ESCO1: variants seen among roughly 807,000 people sequenced by gnomAD.
The protein encoded by ESCO1 is establishment of sister chromatid cohesion N-acetyltransferase 1.
A neutral mutation model predicts 83.5 loss-of-function variants in ESCO1; 33 were observed. That is an observed-to-expected ratio of 0.40 (90% confidence interval 0.30 to 0.53). ESCO1 has a LOEUF of 0.53. ESCO1 is among the 20% of genes least tolerant of loss of function. ESCO1 has a pLI of 0.63. For synonymous variants in ESCO1, 332 were observed against 324.3 expected, an observed-to-expected ratio of 1.02 and a Z score of -0.25; for missense variants, 855 against 968.0, an observed-to-expected ratio of 0.88 and a Z score of 1.55.
In ESCO1 at chr18:21,542,619, C is replaced by T. The variant is rs141755455; in HGVS notation, c.1954-2610G>A. Among the ~76,000 whole-genome samples, 498 of 152,272 alleles carry T rather than the reference C, an allele frequency of 3.3e-3. 3 individuals carry two copies. Among genetic ancestry groups the T allele is most frequent in the African/African-American group, 0.011 (475 of 41,558 alleles). ...TTCCATTCTCCCTTCTTACTAGTATCAAACTAAGATCAATGCACTAATCTA... is the reference window on the plus strand; with the variant it reads ...TTCCATTCTCCCTTCTTACTAGTATTAAACTAAGATCAATGCACTAATCTA... On this transcript the variant is annotated intron_variant, in intron 8 of 11. Transcript: ENST00000269214.
chr18:21,551,043 T>C (rs1370610319), intron 8 of ESCO1, among the ~76,000 whole-genome samples: 2 of 139,206 alleles, frequency 1.4e-5, no homozygotes, highest in Admixed American at 7.6e-5. Context: ...ACCCGGGAGG[T>C]AGAGCTTGCA....
At chr18:21,593,036 G>C (rs1236422718) in intron 1 of ESCO1, 1 of 158,126 alleles carries the variant, frequency 6.3e-6, no homozygotes, top group Non-Finnish European at 1.4e-5. Flanking sequence ...ATGGGATGGC[G>C]GCCGGGAAGA....
intron 1 of ESCO1, among the ~76,000 whole-genome samples, chr18:21,593,997 A>G (rs2038724165): frequency 6.6e-6 from 1 of 152,144 alleles, no homozygotes. Flanking sequence ...AGTCTTTGTT[A>G]TGGGTGGGCT....
At chr18:21,590,453 C>T (rs2146231861) in intron 1 of ESCO1, among the ~76,000 whole-genome samples, 1 of 151,476 alleles carries the variant, frequency 6.6e-6, no homozygotes, top group East Asian at 2.0e-4. Flanking sequence ...AACTCCTGAC[C>T]TCGTGATCCG....
chr18:21,578,571 G>C (rs1465220024), intron 2 of ESCO1, among the ~76,000 whole-genome samples: 1 of 152,074 alleles, frequency 6.6e-6, no homozygotes, highest in Non-Finnish European at 1.5e-5. Flanking sequence ...AAAGGGCCAA[G>C]ACTGCCAGGT....
intron 8 of ESCO1, among the ~76,000 whole-genome samples, chr18:21,550,281 T>C (rs1409242994): frequency 6.6e-6 from 1 of 152,226 alleles, no homozygotes; most frequent in Non-Finnish European, 1.5e-5. Context: ...ATCAACTTTT[T>C]AGATATTCAG....
chr18:21,564,266 T>C lies in ESCO1; in HGVS notation c.1758A>G (p.Ile586Met), dbSNP rs1471343002. The C allele has an allele frequency of 1.2e-6, 2 of 1,612,472 alleles. No individual in the cohort carries two copies. Among genetic ancestry groups the C allele is most frequent in the South Asian group, 2.2e-5 (2 of 90,678 alleles). ...SLPKCNSHLE[I>M]TIPKDLKLKE... ...TTAGTTTCAAGTCCTTTGGAATTGT[T>C]ATCTCCAAATGGGAATTACACTTAG... is the stretch of plus-strand genomic sequence containing the variant. Residue 586 changes from isoleucine (I) to methionine (M), a missense_variant, in exon 7 of 12, where the codon ATA becomes ATG. Ile to Met is a conservative substitution (Grantham distance 10, BLOSUM62 1). Transcript: ENST00000269214.
In ESCO1 at chr18:21,581,412, T is replaced by C. The variant is rs576136499; in HGVS notation, c.-694+2898A>G. Among the ~76,000 whole-genome samples the C allele has an allele frequency of 2.6e-5, 4 of 152,068 alleles. No individual in the cohort carries two copies. The South Asian group carries it at 8.3e-4, about 32-fold the overall frequency. The stretch of plus-strand genomic sequence containing the variant: ...AGTTTAGTTCCAACATATGAATTTG[T>C]AGAGATTAACAGAACAAAATAGACT... On this transcript the variant is annotated intron_variant, in intron 2 of 11. Coordinates refer to ENST00000269214, the MANE Select transcript of ESCO1 (RefSeq NM_052911.3).
Position 21,574,160 on chromosome 18 carries a change from A to C in ESCO1, c.684T>G (p.Pro228=). ...TTTCGTCTCTTCTAGTAGTCTTCTG[A>C]GGACACTTTTCAGATCCTTGCGTGC... ...SQCTQGSEKC[P]QKTTRRDETK... The change falls in exon 4 of 12, where the codon CCT becomes CCG. Residue 228 remains proline (P), a synonymous_variant. Coordinates refer to ENST00000269214, the MANE Select transcript of ESCO1 (RefSeq NM_052911.3). 6.2e-7 allele frequency: 1 copy of C among 1,613,882 alleles called. No homozygotes were observed. Among genetic ancestry groups the C allele is most frequent in the South Asian group, 1.1e-5 (1 of 91,082 alleles).
chr18:21,544,596 T>A (rs896408681), intron 8 of ESCO1, among the ~76,000 whole-genome samples: 3 of 150,908 alleles, frequency 2.0e-5, no homozygotes, highest in Non-Finnish European at 2.9e-5. Context: ...GCCATTGCAC[T>A]GCAGCTTGGG....
At chr18:21,575,648 G>A (rs1227947642) in intron 3 of ESCO1, 24 bp downstream of exon 3, 2 of 398,200 alleles carry the variant, frequency 5.0e-6, no homozygotes, top group Non-Finnish European at 4.4e-6. Context: ...TTGAAAATCA[G>A]TGTATTCCTT....
At chr18:21,585,650 GTCTC>G (rs1165581584) in intron 1 of ESCO1, among the ~76,000 whole-genome samples, 1 of 151,996 alleles carries the variant, frequency 6.6e-6, no homozygotes, top group South Asian at 2.1e-4. Flanking sequence ...TAGAGACTAT[GTCTC>G]TCTATGTTGC....
chr18:21,545,801 C>T (rs899380100), intron 8 of ESCO1, among the ~76,000 whole-genome samples: 3 of 151,628 alleles, frequency 2.0e-5, no homozygotes, highest in South Asian at 4.2e-4. Context: ...ATGTGGCGCA[C>T]GCCTGTAATC....
chr18:21,547,347 A>G (rs2037986883), intron 8 of ESCO1, among the ~76,000 whole-genome samples: 2 of 54,186 alleles, frequency 3.7e-5, no homozygotes. Context: ...CATTGCTTAC[A>G]GATTTGAAAA....
chr18:21,564,295 A>C lies in ESCO1; in HGVS notation c.1729T>G (p.Leu577Val), dbSNP rs1348655472. The change falls in exon 7 of 12, where the codon TTG becomes GTG. Residue 577 changes from leucine (L) to valine (V), a missense_variant. Leu to Val is a conservative substitution (Grantham distance 32). Coordinates refer to ENST00000269214, the MANE Select transcript of ESCO1 (RefSeq NM_052911.3). ...TCCAAATGGGAATTACACTTAGGCA[A>C]AGAATGATTTCGTGGTGTCTCCCTT... ...DNRETPRNHSLPKCNSHLEIT... is the reference protein window; with the variant it reads ...DNRETPRNHSVPKCNSHLEIT... 2 of 1,610,460 alleles carry C rather than the reference A, an allele frequency of 1.2e-6. No individual in the cohort carries two copies. The highest frequency in any genetic ancestry group is 1.7e-5 in the Admixed American group (1 of 59,660).
chr18:21,574,295 C>T lies in ESCO1; in HGVS notation c.549G>A (p.Lys183=). The change falls in exon 4 of 12, where the codon AAG becomes AAA. Residue 183 remains lysine, a synonymous_variant. Coordinates refer to ENST00000269214, the MANE Select transcript of ESCO1 (RefSeq NM_052911.3). ...GATTTTCATCTTCTTTAGAGTCAGA[C>T]TTTACTTCCAGTACTTTTCTCTTCA... ...KHVKRKVLEV[K]SDSKEDENLV... 6.2e-7 allele frequency: 1 copy of T among 1,613,804 alleles called. No homozygotes were observed. The highest frequency in any genetic ancestry group is 8.5e-7 in the Non-Finnish European group (1 of 1,179,990).
chr18:21,579,178 G>C (rs2038459237), intron 2 of ESCO1, among the ~76,000 whole-genome samples: 1 of 151,834 alleles, frequency 6.6e-6, no homozygotes, highest in African/African-American at 2.4e-5. Context: ...ACTTTTAGTA[G>C]AGACAGAGTT....
At chr18:21,582,801 TA>T (rs2146221635) in intron 2 of ESCO1, among the ~76,000 whole-genome samples, 1 of 152,366 alleles carries the variant, frequency 6.6e-6, no homozygotes, top group East Asian at 1.9e-4. Flanking sequence ...ACACTCTTGG[TA>T]AATGTTTGTG....
intron 8 of ESCO1, among the ~76,000 whole-genome samples, chr18:21,547,235 T>C (rs1329854141): frequency 6.6e-6 from 1 of 151,744 alleles, no homozygotes; most frequent in African/African-American, 2.4e-5. Flanking sequence ...TGAACTTACA[T>C]AAAAGATCTT....
Sources: allele counts gnomAD v4.1 joint callset (sites outside exome capture counted in the v4.1 genomes callset), GRCh38; gene constraint gnomAD v4.1.1; transcripts MANE v1.5; gene names NCBI Gene and HGNC (gene_info 2026-07-23, HGNC 2026-07-21).